PAG1: variants seen among roughly 807,000 people sequenced by gnomAD.
The protein encoded by PAG1 is phosphoprotein associated with glycosphingolipid-enriched microdomains 1.
Under a neutral mutation model 31.7 loss-of-function variants are expected in PAG1, and 23 were observed. The observed-to-expected ratio is 0.73, with a 90% CI of 0.52 to 1.03. PAG1 has a LOEUF of 1.03. PAG1 is among the 50% of genes least tolerant of loss of function. The pLI is 0.00. For missense variants in PAG1, 473 were observed against 540.7 expected, an observed-to-expected ratio of 0.87 and a Z score of 1.24; for synonymous variants, 214 against 210.3, an observed-to-expected ratio of 1.02 and a Z score of -0.15.
At chr8:81,076,377 A>T (rs1010101248) in intron 1 of PAG1, among the ~76,000 whole-genome samples, 1 of 152,202 alleles carries the variant, frequency 6.6e-6, no homozygotes, top group Admixed American at 6.5e-5. Flanking sequence ...TGTGAGGGTG[A>T]CTAGATGGGC....
chr8:81,074,008 CCACT>C (rs1361518585), intron 1 of PAG1, among the ~76,000 whole-genome samples: 1 of 152,186 alleles, frequency 6.6e-6, no homozygotes, highest in Admixed American at 6.5e-5. Flanking sequence ...GCTTCCACAC[CCACT>C]GAGGGGAGCA....
In PAG1 at chr8:80,970,769, G is replaced by T. The variant is rs967224648; in HGVS notation, c.*5775C>A. 6.5e-6 allele frequency: 1 copy of T among 153,158 alleles called. No homozygotes were observed. The highest frequency in any genetic ancestry group is 2.4e-5 in the African/African-American group (1 of 41,450). 9.5% of individuals were successfully genotyped at this position (153,158 alleles called of 1,614,324 possible). ...GTGACAAATAGCACCAGCATCTGCC[G>T]CCCTAGGTGGACCTGTGGCCTCATC... On this transcript the variant is annotated 3_prime_UTR_variant, in exon 9 of 9. Coordinates refer to ENST00000220597, the MANE Select transcript of PAG1 (RefSeq NM_018440.4).
intron 3 of PAG1, among the ~76,000 whole-genome samples, chr8:81,006,749 A>G (rs1484246856): frequency 1.3e-5 from 2 of 152,184 alleles, no homozygotes; most frequent in Admixed American, 1.3e-4. Context: ...TTGGAGTATA[A>G]TGTGAAGAGT....
chr8:81,020,659 T>C (rs1393489807), intron 3 of PAG1, among the ~76,000 whole-genome samples: 1 of 152,218 alleles, frequency 6.6e-6, no homozygotes, highest in Non-Finnish European at 1.5e-5. Context: ...GTCTTGTGTA[T>C]GTCTTTATTA....
chr8:81,036,213 T>A (rs1426392005), intron 2 of PAG1, among the ~76,000 whole-genome samples: 1 of 152,216 alleles, frequency 6.6e-6, no homozygotes, highest in Non-Finnish European at 1.5e-5. Flanking sequence ...TGAGGCCTAA[T>A]GTGGACTAAG....
At chr8:81,042,447 CT>C (rs1388764659) in intron 2 of PAG1, among the ~76,000 whole-genome samples, 1 of 152,298 alleles carries the variant, frequency 6.6e-6, no homozygotes, top group Non-Finnish European at 1.5e-5. Context: ...CTTTAACACA[CT>C]TTTTTTCTGA....
chr8:80,997,348 G>T (rs1807701058), intron 3 of PAG1, among the ~76,000 whole-genome samples: 1 of 152,112 alleles, frequency 6.6e-6, no homozygotes, highest in Admixed American at 6.5e-5. Flanking sequence ...TGTGATTACT[G>T]CAGCCTCGAC....
chr8:81,082,911 CTTTTT>C (rs962168818), intron 1 of PAG1, among the ~76,000 whole-genome samples: 1 of 148,254 alleles, frequency 6.7e-6, no homozygotes, highest in East Asian at 2.0e-4. Context: ...CTGTTGACTG[CTTTTT>C]TTTTTCTTCA....
At chr8:81,060,243 T>C (rs1808896493) in intron 2 of PAG1, among the ~76,000 whole-genome samples, 1 of 152,180 alleles carries the variant, frequency 6.6e-6, no homozygotes, top group Non-Finnish European at 1.5e-5. Context: ...AGCTTTTTTA[T>C]AAAACTCAAA....
intron 1 of PAG1, among the ~76,000 whole-genome samples, chr8:81,083,258 G>C (rs1478279736): frequency 6.6e-6 from 1 of 152,248 alleles, no homozygotes; most frequent in Middle Eastern, 3.4e-3. Flanking sequence ...AGTGTTTCTG[G>C]TTCCCACATG....
At chr8:81,019,586 G>C (rs1808127644) in intron 3 of PAG1, among the ~76,000 whole-genome samples, 1 of 152,216 alleles carries the variant, frequency 6.6e-6, no homozygotes, top group Non-Finnish European at 1.5e-5. Context: ...ATGGTGTTGG[G>C]CCTATGGGTG....
rs1807390477 is a variant in PAG1, at chr8:80,985,182, A to C, written c.470T>G (p.Leu157Arg). Residue 157 changes from leucine (L) to arginine (R), a missense_variant, in exon 7 of 9, where the codon CTG (leucine) becomes CGG (arginine). Coordinates refer to ENST00000220597, the MANE Select transcript of PAG1 (RefSeq NM_018440.4). ...CACTTCATAGGGCCCTTCCATCCCC[A>C]GCCCCTGGTCCCCGTCCACACTTCT... ...TARSVDGDQG[L>R]GMEGPYEVLK... 1.9e-6 allele frequency: 3 copies of C among 1,613,844 alleles called. No homozygotes were observed. In the African/African-American group the frequency reaches 4.0e-5, roughly 22 times the overall value.
At chr8:80,992,798 A>G (rs1355969378) in intron 4 of PAG1, among the ~76,000 whole-genome samples, 1 of 152,264 alleles carries the variant, frequency 6.6e-6, no homozygotes, top group African/African-American at 2.4e-5. Flanking sequence ...CGCACATGAA[A>G]AAAGACAAAA....
intron 7 of PAG1, among the ~76,000 whole-genome samples, chr8:80,983,256 C>T (rs2130402193): frequency 6.6e-6 from 1 of 152,348 alleles, no homozygotes; most frequent in Non-Finnish European, 1.5e-5. Flanking sequence ...CCCTTGGATC[C>T]TTTAACTCAA....
At chr8:81,056,203 G>T (rs1808820370) in intron 2 of PAG1, among the ~76,000 whole-genome samples, 1 of 152,116 alleles carries the variant, frequency 6.6e-6, no homozygotes, top group African/African-American at 2.4e-5. Flanking sequence ...TTTCTTCATA[G>T]AATTGGAAAA....
At chr8:81,109,536 A>G (rs1467118878) in intron 1 of PAG1, among the ~76,000 whole-genome samples, 1 of 152,236 alleles carries the variant, frequency 6.6e-6, no homozygotes, top group Non-Finnish European at 1.5e-5. Flanking sequence ...ACAGTGCACA[A>G]TAAATGTTTA....
rs1807181224 is a variant in PAG1, at chr8:80,976,460, T to C, written c.*84A>G. 1.7e-5 allele frequency: 23 copies of C among 1,341,526 alleles called. No individual in the cohort carries two copies. Among genetic ancestry groups the C allele is most frequent in the Middle Eastern group, 5.4e-4 (2 of 3,688 alleles). 83.1% of individuals were successfully genotyped at this position (1,341,526 alleles called of 1,614,324 possible). ...GGTGACTAAAGCAGCATATGAAGTA[T>C]AGGTTTGTGTCACTTCTTCTCTTCC... On this transcript the variant is annotated 3_prime_UTR_variant, in exon 9 of 9. Transcript: ENST00000220597.
chr8:81,067,125 C>T (rs987983095), intron 2 of PAG1, among the ~76,000 whole-genome samples: 2 of 152,006 alleles, frequency 1.3e-5, no homozygotes, highest in East Asian at 3.9e-4. Flanking sequence ...CCAGCCTGGG[C>T]CACAAAGTGA....
intron 2 of PAG1, among the ~76,000 whole-genome samples, chr8:81,035,855 A>G (rs1259368462): frequency 6.6e-6 from 1 of 152,164 alleles, no homozygotes; most frequent in Non-Finnish European, 1.5e-5. Context: ...AGCTACCCTG[A>G]CACACATACA....
Sources: gnomAD v4.1 joint callset for allele counts (sites outside exome capture counted in the v4.1 genomes callset) on GRCh38, gnomAD v4.1.1 for gene constraint, MANE v1.5 for transcripts, NCBI Gene and HGNC (gene_info 2026-07-23, HGNC 2026-07-21) for gene names.